CDH12: variants seen among roughly 807,000 people sequenced by gnomAD.
CDH12 encodes the protein cadherin-12.
In CDH12, 41 loss-of-function variants were observed where a neutral mutation model predicts 74.1. The observed-to-expected ratio is 0.55, with a 90% confidence interval of 0.43 to 0.72. The LOEUF (loss-of-function observed/expected upper bound fraction) is 0.72, where lower values mean the gene tolerates loss of function less well. Ranked by LOEUF, CDH12 falls within the 30% of genes least tolerant of loss-of-function variation. The pLI, the probability that CDH12 is intolerant of heterozygous loss-of-function variation, is 0.00. For synonymous variants in CDH12, 399 were observed against 355.0 expected (o/e 1.12, Z -1.39); for missense variants, 945 against 977.2 (o/e 0.97, Z 0.44).
At chr5:22,835,794 G>A (rs556668519) in intron 1 of CDH12, among the ~76,000 whole-genome samples, 2 of 152,268 alleles carry the variant, frequency 1.3e-5, no homozygotes, top group East Asian at 3.9e-4. Flanking sequence ...CAATGTGATG[G>A]CTCATCAGTT....
intron 1 of CDH12, among the ~76,000 whole-genome samples, chr5:22,788,585 ATAT>A (rs1429386826): frequency 2.0e-5 from 3 of 148,192 alleles, no homozygotes; most frequent in African/African-American, 2.4e-5. Flanking sequence ...TATGAAATAT[ATAT>A]TATAATATAT....
At chr5:22,613,113 A>C (rs1399962443) in intron 1 of CDH12, among the ~76,000 whole-genome samples, 1 of 152,066 alleles carries the variant, frequency 6.6e-6, no homozygotes, top group Non-Finnish European at 1.5e-5. Flanking sequence ...TAAAATCTAC[A>C]TGTCACATTT....
At chr5:22,117,432 T>C (rs368298348) in intron 4 of CDH12, among the ~76,000 whole-genome samples, 3 of 113,654 alleles carry the variant, frequency 2.6e-5, no homozygotes, top group East Asian at 2.4e-4. Flanking sequence ...CATGCATATA[T>C]AAATTATATA....
intron 1 of CDH12, among the ~76,000 whole-genome samples, chr5:22,796,562 C>T (rs1351752597): frequency 1.1e-5 from 1 of 90,298 alleles, no homozygotes; most frequent in East Asian, 3.8e-4. Context: ...CTCTGTCGCC[C>T]AGGCTGGAGT....
At chr5:22,622,337 G>A (rs1357748666) in intron 1 of CDH12, among the ~76,000 whole-genome samples, 1 of 152,004 alleles carries the variant, frequency 6.6e-6, no homozygotes, top group Non-Finnish European at 1.5e-5. Context: ...TCTTCAGAGA[G>A]AAGGCACTGA....
intron 3 of CDH12, among the ~76,000 whole-genome samples, chr5:22,231,753 A>G (rs1199846464): frequency 6.6e-6 from 1 of 152,028 alleles, no homozygotes; most frequent in Non-Finnish European, 1.5e-5. Context: ...CCAAAGCTTT[A>G]CCATATATGA....
At chr5:21,827,004 T>A (rs1031820442) in intron 8 of CDH12, among the ~76,000 whole-genome samples, 14 of 152,102 alleles carry the variant, frequency 9.2e-5, no homozygotes, top group Non-Finnish European at 1.8e-4. Context: ...CAAGCTACTA[T>A]CGTGATGTCT....
chr5:22,707,406 A>C (rs1463170746), intron 1 of CDH12, among the ~76,000 whole-genome samples: 1 of 152,064 alleles, frequency 6.6e-6, no homozygotes, highest in Non-Finnish European at 1.5e-5. Flanking sequence ...TTATTTTAAC[A>C]TTTACTCTGT....
At chr5:22,453,394 C>T (rs1011527017) in intron 2 of CDH12, among the ~76,000 whole-genome samples, 2 of 152,064 alleles carry the variant, frequency 1.3e-5, no homozygotes, top group African/African-American at 2.4e-5. Flanking sequence ...CAATGGAATG[C>T]TATTCAGCTA....
intron 3 of CDH12, among the ~76,000 whole-genome samples, chr5:22,333,285 G>C (rs1476331739): frequency 6.6e-6 from 1 of 151,882 alleles, no homozygotes; most frequent in African/African-American, 2.4e-5. Context: ...TGGACACAAC[G>C]AGGGTAACAA....
intron 2 of CDH12, among the ~76,000 whole-genome samples, chr5:22,417,524 T>G (rs138150490): frequency 5.3e-5 from 8 of 152,342 alleles, no homozygotes; most frequent in African/African-American, 1.7e-4. Context: ...CAGATATGAG[T>G]TCCTTCATCC....
At chr5:21,994,966 C>G (rs528508078) in intron 5 of CDH12, among the ~76,000 whole-genome samples, 27 of 152,090 alleles carry the variant, frequency 1.8e-4, no homozygotes, top group African/African-American at 6.5e-4. Flanking sequence ...ACTGTGGAAG[C>G]TTTGTTCTTT....
intron 6 of CDH12, among the ~76,000 whole-genome samples, chr5:21,857,383 T>C (rs1035345158): frequency 5.9e-5 from 9 of 151,804 alleles, no homozygotes; most frequent in Middle Eastern, 3.4e-3. Context: ...ATGCAGCTCA[T>C]AGAGAAAACA....
intron 3 of CDH12, among the ~76,000 whole-genome samples, chr5:22,351,986 T>A (rs923764067): frequency 7.2e-5 from 11 of 152,188 alleles, no homozygotes; most frequent in African/African-American, 2.4e-4. Context: ...AAATTTTATC[T>A]CACTGTCATA....
intron 3 of CDH12, among the ~76,000 whole-genome samples, chr5:22,314,848 T>A (rs1738544742): frequency 6.6e-6 from 1 of 151,004 alleles, no homozygotes; most frequent in South Asian, 2.1e-4. Flanking sequence ...AGGTTATTAT[T>A]TTTTTTTAAT....
intron 6 of CDH12, among the ~76,000 whole-genome samples, chr5:21,910,094 C>T (rs574405628): frequency 6.6e-6 from 1 of 152,272 alleles, no homozygotes; most frequent in African/African-American, 2.4e-5. Context: ...GCTTAGCAGT[C>T]ATTCCCCATT....
intron 6 of CDH12, among the ~76,000 whole-genome samples, chr5:21,889,431 C>T (rs1442128729): frequency 6.6e-6 from 1 of 152,066 alleles, no homozygotes; most frequent in African/African-American, 2.4e-5. Flanking sequence ...CCAGTTTTAG[C>T]AAAGCTGTAG....
rs149544103 is a variant in CDH12, at chr5:22,660,189, G to A, written c.-522-154825C>T. Reference sequence around the variant, plus strand: ...AAAACTGGATGAACAAAGCAAGCATGTATTTATATGCAAACACACATATGC... The same window carrying A: ...AAAACTGGATGAACAAAGCAAGCATATATTTATATGCAAACACACATATGC... On this transcript the variant is annotated intron_variant, in intron 1 of 14. Transcript: ENST00000382254. Among the ~76,000 whole-genome samples, 922 of 152,254 alleles carry A rather than the reference G, an allele frequency of 6.1e-3. 7 individuals are homozygous for A. Among genetic ancestry groups the A allele is most frequent in the Middle Eastern group, 0.027 (8 of 294 alleles).
At chr5:21,770,880 A>T (rs910700402) in intron 11 of CDH12, among the ~76,000 whole-genome samples, 5 of 152,160 alleles carry the variant, frequency 3.3e-5, no homozygotes, top group Admixed American at 3.3e-4. Flanking sequence ...CTATGGGGCC[A>T]TAAGAAAGAA....
Sources: allele counts gnomAD v4.1 joint callset (sites outside exome capture counted in the v4.1 genomes callset), GRCh38; gene constraint gnomAD v4.1.1; transcripts MANE v1.5; gene names NCBI Gene and HGNC (gene_info 2026-07-23, HGNC 2026-07-21).